HIVEP1: variants seen among roughly 807,000 people sequenced by gnomAD.
HIVEP1 encodes the protein HIVEP zinc finger 1, also known as zinc finger protein 40.
Under a neutral mutation model 180.0 loss-of-function variants are expected in HIVEP1, and 36 were observed. The ratio of observed to expected loss-of-function variants is 0.20; its 90% confidence interval spans 0.15 to 0.26. HIVEP1 has a LOEUF of 0.26. HIVEP1 is among the 10% of genes least tolerant of loss of function. HIVEP1 has a pLI of 1.00. For synonymous variants in HIVEP1, 1,239 were observed against 1,239.0 expected (o/e 1.00, Z 0.00); for missense variants, 3,143 against 3,268.7 (o/e 0.96, Z 0.94).
chr6:12,115,024 T>A (rs1775129682), intron 3 of HIVEP1, among the ~76,000 whole-genome samples: 1 of 152,196 alleles, frequency 6.6e-6, no homozygotes, highest in African/African-American at 2.4e-5. Flanking sequence ...AGAGATTTAT[T>A]TGGAGGTTCA....
chr6:12,129,761 A>C lies in HIVEP1; in HGVS notation c.6078A>C (p.Arg2026Ser). ...SSKWKSSLSKRALGNQKSTVV... is the reference protein window; with the variant it reads ...SSKWKSSLSKSALGNQKSTVV... ...GTTTCTCTCTTTTTTCCTTTCAGAG[A>C]GCATTAGGTAATCAAAAGTCCACAG... The change falls in exon 5 of 9, where the codon AGA (arginine) becomes AGC (serine). Residue 2026 changes from arginine to serine, a missense_variant and splice_region_variant. Coordinates refer to ENST00000379388, the MANE Select transcript of HIVEP1 (RefSeq NM_002114.4). 6.2e-7 allele frequency: 1 copy of C among 1,600,452 alleles called. No individual in the cohort carries two copies. The highest frequency in any genetic ancestry group is 8.6e-7 in the Non-Finnish European group (1 of 1,168,062).
chr6:12,092,249 G>A (rs1183941825), intron 3 of HIVEP1, among the ~76,000 whole-genome samples: 1 of 152,052 alleles, frequency 6.6e-6, no homozygotes, highest in Admixed American at 6.5e-5. Context: ...AAACAATTAT[G>A]TCATATAAGT....
chr6:12,043,210 T>C (rs562590905), intron 2 of HIVEP1, among the ~76,000 whole-genome samples: 122 of 152,342 alleles, frequency 8.0e-4, no homozygotes, highest in Non-Finnish European at 1.5e-3. Flanking sequence ...TGAAATACCC[T>C]AACTTTTGAT....
chr6:12,017,912 C>CT (rs1455415024), intron 2 of HIVEP1, among the ~76,000 whole-genome samples: 1 of 152,226 alleles, frequency 6.6e-6, no homozygotes, highest in Non-Finnish European at 1.5e-5. Flanking sequence ...CTGCCTGCGC[C>CT]TTGTGCCTGC....
intron 7 of HIVEP1, among the ~76,000 whole-genome samples, chr6:12,154,094 A>T (rs1002853126): frequency 6.6e-6 from 1 of 152,186 alleles, no homozygotes; most frequent in Non-Finnish European, 1.5e-5. Context: ...GTTGCAGTGT[A>T]CATGTGTATT....
At chr6:12,055,397 AG>A (rs1770803610) in intron 2 of HIVEP1, among the ~76,000 whole-genome samples, 1 of 152,124 alleles carries the variant, frequency 6.6e-6, no homozygotes, top group South Asian at 2.1e-4. Context: ...CCCTTGAACT[AG>A]GAAGTCAGAG....
At chr6:12,127,119 C>G (rs545586115) in intron 4 of HIVEP1, among the ~76,000 whole-genome samples, 1 of 152,038 alleles carries the variant, frequency 6.6e-6, no homozygotes, top group Admixed American at 6.5e-5. Context: ...TCTTGGCCTC[C>G]CAAAGTGCTG....
chr6:12,074,643 T>TGTGTGC lies in HIVEP1; in HGVS notation c.41-14540_41-14539insTGTGCG, dbSNP rs573970756. On this transcript the variant is annotated intron_variant, in intron 2 of 8. Transcript: ENST00000379388. ...AAGTGTGTGTGTGTGTGTGTGTGTG[T>TGTGTGC]GCGCGCGCGTGCATGTCCTTGTCTC... is the stretch of plus-strand genomic sequence containing the variant. Among the ~76,000 whole-genome samples the TGTGTGC allele has an allele frequency of 2.6e-3, 380 of 148,140 alleles. 1 individual carries two copies. Among genetic ancestry groups the TGTGTGC allele is most frequent in the East Asian group, 5.3e-3 (27 of 5,066 alleles).
At chr6:12,041,816 T>A (rs1037528374) in intron 2 of HIVEP1, among the ~76,000 whole-genome samples, 2 of 149,722 alleles carry the variant, frequency 1.3e-5, no homozygotes, top group Non-Finnish European at 3.0e-5. Context: ...CATGCCACCA[T>A]GCCTGGCTAA....
chr6:12,101,839 A>G (rs1361512649), intron 3 of HIVEP1, among the ~76,000 whole-genome samples: 1 of 152,120 alleles, frequency 6.6e-6, no homozygotes, highest in Non-Finnish European at 1.5e-5. Context: ...AGATCTGACT[A>G]TACACTGTCT....
At chr6:12,178,259 G>A in the HIVEP1 span, among the ~76,000 whole-genome samples, 1 of 152,192 alleles carries the variant, frequency 6.6e-6, no homozygotes, top group Non-Finnish European at 1.5e-5. Flanking sequence ...AGTTGGTCGG[G>A]AAAAGTCAAA....
chr6:12,121,061 A>G lies in HIVEP1; in HGVS notation c.1266A>G (p.Leu422=). ...CATGTGCAAAGCCTAGTGTGCTTTT[A>G]AAGCATATCCGCTCCCACACTGGAG... The part of the protein sequence containing the change: ...NRACAKPSVL[L]KHIRSHTGER... Residue 422 remains leucine, a synonymous_variant, in exon 4 of 9, where the codon TTA becomes TTG. Coordinates refer to ENST00000379388, the MANE Select transcript of HIVEP1 (RefSeq NM_002114.4). The surrounding 1 kb of genome is among the most constrained non-coding windows in gnomAD (Gnocchi z 5.3). 6.2e-7 allele frequency: 1 copy of G among 1,614,216 alleles called. No individual in the cohort carries two copies. The highest frequency in any genetic ancestry group is 8.5e-7 in the Non-Finnish European group (1 of 1,180,022).
chr6:12,091,218 A>G (rs1773453618), intron 3 of HIVEP1, among the ~76,000 whole-genome samples: 1 of 152,130 alleles, frequency 6.6e-6, no homozygotes, highest in African/African-American at 2.4e-5. Context: ...CTTCCATCAA[A>G]GAATATACTT....
intron 2 of HIVEP1, among the ~76,000 whole-genome samples, chr6:12,042,970 C>T (rs1015047761): frequency 1.3e-5 from 2 of 152,056 alleles, no homozygotes; most frequent in Non-Finnish European, 2.9e-5. Flanking sequence ...CATTTTTCCC[C>T]CTACAAATAA....
the HIVEP1 span, among the ~76,000 whole-genome samples, chr6:12,200,291 G>A: frequency 2.0e-5 from 3 of 152,128 alleles, no homozygotes; most frequent in Admixed American, 6.5e-5. Flanking sequence ...AGAAATTTCT[G>A]CATAAACTGC....
chr6:12,090,340 G>A (rs555961948), intron 3 of HIVEP1, among the ~76,000 whole-genome samples: 8 of 152,212 alleles, frequency 5.3e-5, no homozygotes, highest in African/African-American at 1.7e-4. Context: ...GTTGAAAGCC[G>A]TTTTACAAAA....
intron 7 of HIVEP1, among the ~76,000 whole-genome samples, chr6:12,145,208 A>G (rs909366156): frequency 3.9e-5 from 6 of 152,204 alleles, no homozygotes; most frequent in Non-Finnish European, 8.8e-5. Flanking sequence ...GGATGAGTTC[A>G]TGTCCTTTGC....
chr6:12,082,984 A>G (rs1772884860), intron 2 of HIVEP1, among the ~76,000 whole-genome samples: 1 of 152,182 alleles, frequency 6.6e-6, no homozygotes, highest in Non-Finnish European at 1.5e-5. Flanking sequence ...GTTAGCTTTT[A>G]TTGGATTTAA....
intron 7 of HIVEP1, among the ~76,000 whole-genome samples, chr6:12,151,942 G>A (rs778353805): frequency 6.6e-6 from 1 of 152,132 alleles, no homozygotes; most frequent in Non-Finnish European, 1.5e-5. Context: ...GATCACCTGA[G>A]GTCAGGAGTT....
Sources: gnomAD v4.1 joint callset for allele counts (sites outside exome capture counted in the v4.1 genomes callset) on GRCh38, gnomAD v4.1.1 for gene constraint, Gnocchi (gnomAD v3.1) non-coding constraint, MANE v1.5 for transcripts, NCBI Gene and HGNC (gene_info 2026-07-23, HGNC 2026-07-21) for gene names.